MAP1LC3B2: variants seen among roughly 807,000 people sequenced by gnomAD.
MAP1LC3B2 encodes the protein microtubule associated protein 1 light chain 3 beta 2.
For synonymous variants in MAP1LC3B2, 62 were observed against 57.8 expected, an observed-to-expected ratio of 1.07 and a Z score of -0.33; for missense variants, 155 against 154.6, an observed-to-expected ratio of 1.00 and a Z score of -0.01.
intron 1 of MAP1LC3B2, among the ~76,000 whole-genome samples, chr12:116,572,266 A>G (rs750722640): frequency 6.6e-6 from 1 of 152,176 alleles, no homozygotes; most frequent in Non-Finnish European, 1.5e-5. Context: ...AATCAAGGGT[A>G]TCTGTTACTC....
intron 1 of MAP1LC3B2, among the ~76,000 whole-genome samples, chr12:116,562,442 A>G (rs1404024535): frequency 6.6e-6 from 1 of 152,210 alleles, no homozygotes; most frequent in African/African-American, 2.4e-5. Flanking sequence ...CTATTTTATG[A>G]GAAGAAACTG....
At chr12:116,563,788 T>C (rs913744200) in intron 1 of MAP1LC3B2, among the ~76,000 whole-genome samples, 4 of 152,202 alleles carry the variant, frequency 2.6e-5, no homozygotes, top group Admixed American at 2.6e-4. Flanking sequence ...TGATTATTTA[T>C]TTTTTTGGCC....
chr12:116,575,711 T>C (rs1869653929), intron 1 of MAP1LC3B2, 131 bp from the exon 2 acceptor site: 2 of 594,348 alleles, frequency 3.4e-6, no homozygotes, highest in African/African-American at 1.9e-5. Flanking sequence ...CCCAAAATAA[T>C]GTACTATAGA....
chr12:116,576,496 C>T lies in MAP1LC3B2; in HGVS notation c.*176C>T. 1.4e-6 allele frequency: 1 copy of T among 714,858 alleles called. No individual in the cohort carries two copies. Among genetic ancestry groups the T allele is most frequent in the Non-Finnish European group, 2.3e-6 (1 of 435,068 alleles). 44.3% of individuals were successfully genotyped at this position (714,858 alleles called of 1,614,324 possible). Reference sequence around the variant, plus strand: ...TGTTTCAAGCAGAAAAACTGAGCTCCAAGTGAGCACATTCAGCTTTGGAAA... The same window carrying T: ...TGTTTCAAGCAGAAAAACTGAGCTCTAAGTGAGCACATTCAGCTTTGGAAA... On this transcript the variant is annotated 3_prime_UTR_variant, in exon 2 of 2. Transcript: ENST00000556529.
chr12:116,570,671 C>CT (rs1236900015), intron 1 of MAP1LC3B2, among the ~76,000 whole-genome samples: 1 of 152,180 alleles, frequency 6.6e-6, no homozygotes, highest in Non-Finnish European at 1.5e-5. Context: ...GTGCCTTTTG[C>CT]CTTCCACCAT....
chr12:116,574,924 C>T (rs1037293546), intron 1 of MAP1LC3B2, among the ~76,000 whole-genome samples: 5 of 151,568 alleles, frequency 3.3e-5, no homozygotes, highest in Middle Eastern at 3.4e-3. Context: ...CAAATGTCAG[C>T]GGGTGCAGTG....
chr12:116,575,180 C>CAAA lies in MAP1LC3B2; in HGVS notation c.-101-648_-101-646dup, dbSNP rs112848522. Among the ~76,000 whole-genome samples the CAAA allele has an allele frequency of 5.6e-3, 333 of 58,994 alleles. 2 individuals carry two copies. The highest frequency in any genetic ancestry group is 0.016 in the African/African-American group (317 of 19,612). The allele number at this position is 58,994 out of a possible 152,430, so 38.7% of individuals were successfully genotyped here. ...GGGCAACAACAGCGAAACTCAGTCT[C>CAAA]AAAAAAAAAAAAAAAAGCAAGCAAA... is the stretch of plus-strand genomic sequence containing the variant. On this transcript the variant is annotated intron_variant, in intron 1 of 1. Coordinates refer to ENST00000556529, the MANE Select transcript of MAP1LC3B2 (RefSeq NM_001085481.3).
chr12:116,562,127 G>A (rs867326343), intron 1 of MAP1LC3B2, among the ~76,000 whole-genome samples: 76 of 152,164 alleles, frequency 5.0e-4, no homozygotes, highest in African/African-American at 1.6e-3. Flanking sequence ...CTTTCTCTTG[G>A]TTCCACTATG....
At chr12:116,572,793 C>A (rs1458232999) in intron 1 of MAP1LC3B2, among the ~76,000 whole-genome samples, 3 of 152,228 alleles carry the variant, frequency 2.0e-5, no homozygotes, top group Non-Finnish European at 1.5e-5. Context: ...AGAAGGACTG[C>A]AGAGTCTTTA....
In MAP1LC3B2 at chr12:116,576,591, T is replaced by TAAAA; in HGVS notation, c.*283_*286dup. On this transcript the variant is annotated 3_prime_UTR_variant, in exon 2 of 2. Transcript: ENST00000556529. ...TTTAAAAATAAAATACTTTGCATTCTAAAAAAAAAAAAAAATTGCCTTACA... is the reference window on the plus strand; with the variant it reads ...TTTAAAAATAAAATACTTTGCATTCTAAAAAAAAAAAAAAAAAAATTGCCTTACA... 12 of 263,648 alleles carry TAAAA rather than the reference T, an allele frequency of 4.6e-5. No homozygotes were observed. The highest frequency in any genetic ancestry group is 8.4e-5 in the Non-Finnish European group (11 of 131,724). The allele number at this position is 263,648 out of a possible 1,614,324, so 16.3% of individuals were successfully genotyped here. A position where few individuals can be genotyped will look rare whatever the true frequency, so the allele number is the denominator to read the frequency against.
rs1869664739 is a variant in MAP1LC3B2 at position 116,575,977 on chromosome 12, C to T, written c.35C>T (p.Thr12Ile). The T allele has an allele frequency of 6.2e-7, 1 of 1,614,202 alleles. No individual in the cohort carries two copies. Among genetic ancestry groups the T allele is most frequent in the Non-Finnish European group, 8.5e-7 (1 of 1,180,042 alleles). Residue 12 changes from threonine (T) to isoleucine (I), a missense_variant, in exon 2 of 2, where the codon ACC (threonine) becomes ATC (isoleucine). By Grantham distance (89) the Thr-to-Ile change is moderately conservative. Transcript: ENST00000556529. The stretch of plus-strand genomic sequence containing the variant: ...GAGAAGACCTTCAAGCAGCGGCGCA[C>T]CTTCGAACAAAGAGTAGAAGATGTC... ...PSEKTFKQRR[T>I]FEQRVEDVRL...
intron 1 of MAP1LC3B2, among the ~76,000 whole-genome samples, chr12:116,564,935 T>C (rs1394273539): frequency 6.6e-6 from 1 of 152,170 alleles, no homozygotes; most frequent in Non-Finnish European, 1.5e-5. Flanking sequence ...GCCTCATAGT[T>C]CTACACTACC....
intron 1 of MAP1LC3B2, among the ~76,000 whole-genome samples, chr12:116,571,490 T>C (rs1434437395): frequency 1.7e-5 from 1 of 60,056 alleles, no homozygotes; most frequent in African/African-American, 5.7e-5. Flanking sequence ...TTTTTTTTTT[T>C]TTTTTTTTGA....
At chr12:116,566,475 A>ATG (rs547400426) in intron 1 of MAP1LC3B2, among the ~76,000 whole-genome samples, 19 of 151,492 alleles carry the variant, frequency 1.3e-4, no homozygotes, top group East Asian at 3.9e-4. Flanking sequence ...CTAATCAGAT[A>ATG]TGTGTGTGTG....
chr12:116,565,451 C>G (rs73393192), intron 1 of MAP1LC3B2, among the ~76,000 whole-genome samples: 74 of 152,314 alleles, frequency 4.9e-4, no homozygotes, highest in African/African-American at 1.7e-3. Context: ...TTCACTACCA[C>G]GAGAACAGTA....
At chr12:116,575,390 T>C (rs11608620) in intron 1 of MAP1LC3B2, among the ~76,000 whole-genome samples, 17,125 of 152,194 alleles carry the variant, frequency 0.11, 1,023 homozygotes, top group South Asian at 0.16. Flanking sequence ...TTTTAGATAA[T>C]TCTTTATTGT....
chr12:116,563,873 T>C (rs759554902), intron 1 of MAP1LC3B2, among the ~76,000 whole-genome samples: 1 of 152,192 alleles, frequency 6.6e-6, no homozygotes, highest in African/African-American at 2.4e-5. Context: ...TTTTTTCTTC[T>C]GCAGTCTTTA....
At chr12:116,562,987 G>T (rs552801917) in intron 1 of MAP1LC3B2, among the ~76,000 whole-genome samples, 4 of 152,254 alleles carry the variant, frequency 2.6e-5, no homozygotes, top group African/African-American at 9.6e-5. Flanking sequence ...TTGAGATGGA[G>T]TTTCGCTCTT....
chr12:116,563,148 G>A (rs925304168), intron 1 of MAP1LC3B2, among the ~76,000 whole-genome samples: 3 of 151,868 alleles, frequency 2.0e-5, no homozygotes, highest in East Asian at 1.9e-4. Flanking sequence ...TTTTTAGTAC[G>A]GGGTTTCTCC....
Sources: allele counts gnomAD v4.1 joint callset (sites outside exome capture counted in the v4.1 genomes callset), GRCh38; gene constraint gnomAD v4.1.1; transcripts MANE v1.5; gene names NCBI Gene and HGNC (gene_info 2026-07-23, HGNC 2026-07-21).